The following AFF3 variants were observed in gnomAD, a reference collection of about 807,000 sequenced individuals.
AFF3 encodes the protein AF4/FMR2 family member 3.
Under a neutral mutation model 129.7 loss-of-function variants are expected in AFF3, and 32 were observed. That is an observed-to-expected ratio of 0.25 (90% CI 0.19 to 0.33). The LOEUF is 0.33. Ranked by LOEUF, AFF3 falls within the 10% of genes least tolerant of loss-of-function variation. AFF3 has a pLI of 1.00. For synonymous variants in AFF3, 644 were observed against 635.4 expected, an observed-to-expected ratio of 1.01 and a Z score of -0.20; for missense variants, 1,373 against 1,592.0, an observed-to-expected ratio of 0.86 and a Z score of 2.34.
chr2:99,575,944 C>T (rs1231487444), intron 18 of AFF3, among the ~76,000 whole-genome samples: 3 of 152,140 alleles, frequency 2.0e-5, no homozygotes. Context: ...GCCACGGTGG[C>T]TCACGCCTAT....
At chr2:99,652,996 C>T (rs1241452936) in intron 12 of AFF3, among the ~76,000 whole-genome samples, 1 of 152,166 alleles carries the variant, frequency 6.6e-6, no homozygotes, top group Non-Finnish European at 1.5e-5. Flanking sequence ...GCTTCCCTCT[C>T]CCCTCAGTCC....
Position 99,600,034 on chromosome 2 carries a change from T to C in AFF3, c.1371+1401A>G, listed in dbSNP as rs1171174519. On this transcript the variant is annotated intron_variant, in intron 14 of 24. Transcript: ENST00000672756. ...ATCAATGAATGAGTAAATGAAATTA[T>C]GCTGAAGGAATAATAATTTAGTTTC... is the stretch of plus-strand genomic sequence containing the variant. Among the ~76,000 whole-genome samples, 2 of 152,328 alleles carry C rather than the reference T, an allele frequency of 1.3e-5. 1 individual carries two copies. Among genetic ancestry groups the C allele is most frequent in the East Asian group, 3.9e-4 (2 of 5,186 alleles).
intron 11 of AFF3, among the ~76,000 whole-genome samples, chr2:99,693,878 C>G (rs1344655299): frequency 6.6e-6 from 1 of 152,070 alleles, no homozygotes; most frequent in Non-Finnish European, 1.5e-5. Context: ...CATCTAAAAT[C>G]TAGCCTTTTC....
rs562715280 is a variant in AFF3, at chr2:100,099,185, C to G, written c.53+5217G>C. Among the ~76,000 whole-genome samples the G allele has an allele frequency of 1.8e-3, 269 of 149,538 alleles. 1 individual carries two copies. The highest frequency in any genetic ancestry group is 3.2e-3 in the South Asian group (15 of 4,674). On this transcript the variant is annotated intron_variant, in intron 4 of 24. Transcript: ENST00000672756. ...GCCCTTTCTTTGTACTCTGTTTTGA[C>G]CCATAAGGACTGACCAAAAGGATAG...
intron 4 of AFF3, among the ~76,000 whole-genome samples, chr2:100,059,443 T>C (rs1232176466): frequency 6.6e-6 from 1 of 151,932 alleles, no homozygotes; most frequent in Non-Finnish European, 1.5e-5. Context: ...AAAAGACACA[T>C]AATTAAAAAG....
chr2:99,894,111 T>C lies in AFF3; in HGVS notation c.874-56587A>G, dbSNP rs1693762800. On this transcript the variant is annotated intron_variant, in intron 7 of 24. Coordinates refer to ENST00000672756, the MANE Select transcript of AFF3 (RefSeq NM_001386135.1). ...ATAACTCCCACAAGCTTAGCAATAA[T>C]GGAACCAGTAATGGAACACTAGGCA... is the stretch of plus-strand genomic sequence containing the variant. Among the ~76,000 whole-genome samples, 3 of 151,372 alleles carry C rather than the reference T, an allele frequency of 2.0e-5. No homozygotes were observed. In the East Asian group the frequency reaches 5.9e-4, roughly 30 times the overall value.
chr2:100,088,208 T>C (rs1022739844), intron 4 of AFF3, among the ~76,000 whole-genome samples: 11 of 150,950 alleles, frequency 7.3e-5, no homozygotes, highest in African/African-American at 2.0e-4. Flanking sequence ...AGCAACCAGA[T>C]TGGAAAGGAA....
At chr2:99,992,310 C>T (rs763654268) in intron 7 of AFF3, among the ~76,000 whole-genome samples, 3 of 151,950 alleles carry the variant, frequency 2.0e-5, no homozygotes, top group Non-Finnish European at 4.4e-5. Flanking sequence ...ATGTGGTCAC[C>T]AGAGAAATCA....
intron 4 of AFF3, among the ~76,000 whole-genome samples, chr2:100,093,666 G>C (rs1237151865): frequency 6.6e-6 from 1 of 151,944 alleles, no homozygotes; most frequent in Non-Finnish European, 1.5e-5. Flanking sequence ...TCAATGAAAG[G>C]AACACAAATA....
intron 8 of AFF3, among the ~76,000 whole-genome samples, chr2:99,812,333 C>T (rs371158046): frequency 6.6e-5 from 10 of 152,264 alleles, no homozygotes; most frequent in African/African-American, 2.4e-4. Flanking sequence ...CTTCCGATAC[C>T]CTCTGACGAA....
intron 10 of AFF3, among the ~76,000 whole-genome samples, chr2:99,740,214 G>T (rs1315599570): frequency 6.7e-6 from 1 of 150,134 alleles, no homozygotes; most frequent in African/African-American, 2.4e-5. Flanking sequence ...GTCTGTCATT[G>T]TTGGACATTT....
chr2:100,067,194 AAAAG>A (rs1215909781), intron 4 of AFF3, among the ~76,000 whole-genome samples: 1 of 152,018 alleles, frequency 6.6e-6, no homozygotes, highest in Non-Finnish European at 1.5e-5. Context: ...AAAAAAAAAA[AAAAG>A]GTGGGGGGAG....
At chr2:99,696,186 A>C (rs1676247652) in intron 11 of AFF3, among the ~76,000 whole-genome samples, 1 of 152,090 alleles carries the variant, frequency 6.6e-6, no homozygotes, top group Non-Finnish European at 1.5e-5. Flanking sequence ...TTGCCTGAGA[A>C]GTCAGTTTGA....
intron 8 of AFF3, among the ~76,000 whole-genome samples, chr2:99,832,640 A>G (rs935918826): frequency 2.6e-5 from 4 of 152,264 alleles, no homozygotes; most frequent in African/African-American, 7.2e-5. Flanking sequence ...ATGAGATATA[A>G]AAGTGTGGTA....
intron 2 of AFF3, among the ~76,000 whole-genome samples, chr2:100,123,059 G>A (rs1265229192): frequency 2.0e-5 from 3 of 152,166 alleles, no homozygotes; most frequent in African/African-American, 7.2e-5. Flanking sequence ...TTCAAAAATG[G>A]ATGTAAAAAA....
chr2:99,780,329 A>G (rs894616507), intron 8 of AFF3, among the ~76,000 whole-genome samples: 1 of 152,154 alleles, frequency 6.6e-6, no homozygotes, highest in Non-Finnish European at 1.5e-5. Context: ...TCTCTCCTAG[A>G]TGGATCACTT....
intron 4 of AFF3, among the ~76,000 whole-genome samples, chr2:100,056,359 T>G (rs1331408879): frequency 6.6e-6 from 1 of 152,210 alleles, no homozygotes; most frequent in Non-Finnish European, 1.5e-5. Flanking sequence ...CTGCTTAATA[T>G]TGCTTCTAGA....
intron 7 of AFF3, among the ~76,000 whole-genome samples, chr2:99,898,439 C>A (rs1212158039): frequency 6.6e-6 from 1 of 152,182 alleles, no homozygotes; most frequent in African/African-American, 2.4e-5. Context: ...CAGGCTAGCT[C>A]TTGATGCTGA....
At chr2:99,881,416 A>C (rs1037232915) in intron 7 of AFF3, among the ~76,000 whole-genome samples, 10 of 152,102 alleles carry the variant, frequency 6.6e-5, no homozygotes, top group Non-Finnish European at 1.3e-4. Flanking sequence ...CAAAAAAAAA[A>C]AAAAAGCTAG....
Sources: gnomAD v4.1 joint callset for allele counts (sites outside exome capture counted in the v4.1 genomes callset) on GRCh38, gnomAD v4.1.1 for gene constraint, MANE v1.5 for transcripts, NCBI Gene and HGNC (gene_info 2026-07-23, HGNC 2026-07-21) for gene names.